The following TGFA variants were observed in gnomAD, a reference collection of about 807,000 sequenced individuals.
The protein encoded by TGFA is protransforming growth factor alpha.
A neutral mutation model predicts 21.7 loss-of-function variants in TGFA; 12 were observed. That is an observed-to-expected ratio of 0.55 (90% CI 0.35 to 0.90). TGFA has a LOEUF of 0.90. TGFA is among the 40% of genes least tolerant of loss of function. The pLI is 0.01. For missense variants in TGFA, 178 were observed against 210.8 expected (o/e 0.84, Z 0.96); for synonymous variants, 79 against 88.1 (o/e 0.90, Z 0.58).
intron 2 of TGFA, among the ~76,000 whole-genome samples, chr2:70,497,209 C>T (rs1671602715): frequency 6.6e-6 from 1 of 152,208 alleles, no homozygotes; most frequent in South Asian, 2.1e-4. Context: ...CCCGGCAGAG[C>T]TCTGCAGGGC....
At chr2:70,504,467 C>CATATATATATATATATATATATAT (rs1264518373) in intron 2 of TGFA, among the ~76,000 whole-genome samples, 2 of 82,922 alleles carry the variant, frequency 2.4e-5, no homozygotes, top group Admixed American at 1.3e-4. Context: ...TATATATACA[C>CATATATATATATATATATATATAT]ACATACATAC....
At chr2:70,546,449 A>G (rs189850485) in intron 1 of TGFA, among the ~76,000 whole-genome samples, 1 of 152,140 alleles carries the variant, frequency 6.6e-6, no homozygotes, top group African/African-American at 2.4e-5. Flanking sequence ...CAGTTTTTCA[A>G]CACTTGCTCC....
chr2:70,453,749 G>A (rs1472689381), intron 4 of TGFA, among the ~76,000 whole-genome samples: 2 of 152,202 alleles, frequency 1.3e-5, no homozygotes, highest in African/African-American at 4.8e-5. Flanking sequence ...TGAGGGTTTA[G>A]GAAGAGGTTA....
chr2:70,451,278 A>G (rs927349039), intron 5 of TGFA, among the ~76,000 whole-genome samples: 1 of 152,088 alleles, frequency 6.6e-6, no homozygotes, highest in Non-Finnish European at 1.5e-5. Flanking sequence ...GGACCCATTT[A>G]TTTTTCAATG....
Position 70,453,330 on chromosome 2 carries a change from G to A in TGFA, c.366-3C>T, listed in dbSNP as rs1268236615. The A allele has an allele frequency of 6.2e-7, 1 of 1,612,708 alleles. No homozygotes were observed. Among genetic ancestry groups the A allele is most frequent in the Non-Finnish European group, 8.5e-7 (1 of 1,179,304 alleles). On this transcript the variant is annotated splice_region_variant and splice_polypyrimidine_tract_variant and intron_variant, in intron 4 of 5. Coordinates refer to ENST00000295400, the MANE Select transcript of TGFA (RefSeq NM_003236.4). ...AGTGTTTTCGGACCTGGCAGCAGCT[G>A]CAAAGACACAGAGGACCCAGTCTGG...
chr2:70,548,840 G>C (rs1553506385), intron 1 of TGFA, among the ~76,000 whole-genome samples: 1 of 152,004 alleles, frequency 6.6e-6, no homozygotes, highest in Non-Finnish European at 1.5e-5. Flanking sequence ...ATTCTAAAGG[G>C]AATGTGCCTT....
chr2:70,542,532 A>C (rs1433241595), intron 1 of TGFA, among the ~76,000 whole-genome samples: 1 of 152,192 alleles, frequency 6.6e-6, no homozygotes, highest in Non-Finnish European at 1.5e-5. Context: ...GCAGAAAATA[A>C]ACAAAATCAA....
At chr2:70,474,860 G>A (rs1278818879) in intron 2 of TGFA, among the ~76,000 whole-genome samples, 3 of 152,182 alleles carry the variant, frequency 2.0e-5, no homozygotes, top group Non-Finnish European at 4.4e-5. Context: ...AAAAACCCAA[G>A]GGGCATCAGA....
At chr2:70,492,925 A>G (rs1389763197) in intron 2 of TGFA, among the ~76,000 whole-genome samples, 1 of 152,210 alleles carries the variant, frequency 6.6e-6, no homozygotes, top group Non-Finnish European at 1.5e-5. Context: ...ATTTGTGTCC[A>G]ATGGTTATAA....
intron 1 of TGFA, among the ~76,000 whole-genome samples, chr2:70,518,588 C>T (rs911088093): frequency 6.6e-6 from 1 of 152,196 alleles, no homozygotes; most frequent in Admixed American, 6.5e-5. Flanking sequence ...AGAGGCTGGA[C>T]ACCCCTCTCC....
chr2:70,539,909 A>G (rs782737924), intron 1 of TGFA, among the ~76,000 whole-genome samples: 1 of 152,182 alleles, frequency 6.6e-6, no homozygotes, highest in Non-Finnish European at 1.5e-5. Flanking sequence ...ATGCCATGGC[A>G]TACTCTACAC....
intron 1 of TGFA, among the ~76,000 whole-genome samples, chr2:70,547,135 G>A (rs145033623): frequency 1.5e-3 from 232 of 152,286 alleles, no homozygotes; most frequent in African/African-American, 5.3e-3. Flanking sequence ...TTAAAAAAAT[G>A]TTGTATCGGT....
intron 1 of TGFA, among the ~76,000 whole-genome samples, chr2:70,520,271 C>G (rs1553502082): frequency 6.6e-6 from 1 of 152,122 alleles, no homozygotes; most frequent in African/African-American, 2.4e-5. Flanking sequence ...TACTGATGTT[C>G]CATGGACTGA....
chr2:70,486,715 G>A (rs1248249959), intron 2 of TGFA, among the ~76,000 whole-genome samples: 1 of 151,952 alleles, frequency 6.6e-6, no homozygotes, highest in Non-Finnish European at 1.5e-5. Flanking sequence ...GCCTGCCATG[G>A]CCCCCTAAAG....
chr2:70,456,611 G>C (rs1670238301), intron 3 of TGFA, 123 bp from the exon 4 acceptor site: 3 of 1,237,324 alleles, frequency 2.4e-6, no homozygotes, highest in East Asian at 2.6e-5. Flanking sequence ...GGCCCTGCCA[G>C]CTTTTGCAAT....
At chr2:70,526,148 A>G (rs1553502970) in intron 1 of TGFA, among the ~76,000 whole-genome samples, 1 of 152,164 alleles carries the variant, frequency 6.6e-6, no homozygotes, top group Non-Finnish European at 1.5e-5. Flanking sequence ...TGCCCCATTT[A>G]CCTGGAATGC....
At chr2:70,533,730 G>T (rs1018604728) in intron 1 of TGFA, among the ~76,000 whole-genome samples, 1 of 152,152 alleles carries the variant, frequency 6.6e-6, no homozygotes, top group African/African-American at 2.4e-5. Context: ...AGGAGAAGGG[G>T]TGGGCCCTGC....
chr2:70,476,733 A>G (rs1670946013), intron 2 of TGFA, among the ~76,000 whole-genome samples: 1 of 152,226 alleles, frequency 6.6e-6, no homozygotes. Context: ...TGGAAGAAGG[A>G]TACTCCTCAT....
At chr2:70,547,533 C>G (rs1321464268) in intron 1 of TGFA, among the ~76,000 whole-genome samples, 46 of 130,972 alleles carry the variant, frequency 3.5e-4, no homozygotes, top group South Asian at 4.9e-4. Context: ...ACAGAGCGAG[C>G]CTCCATCTCA....
Sources: allele counts gnomAD v4.1 joint callset (sites outside exome capture counted in the v4.1 genomes callset), GRCh38; gene constraint gnomAD v4.1.1; transcripts MANE v1.5; gene names NCBI Gene and HGNC (gene_info 2026-07-23, HGNC 2026-07-21).